LGMN: variants seen among roughly 807,000 people sequenced by gnomAD.
LGMN encodes the protein asparaginyl endopeptidase.
LGMN carries 36 observed loss-of-function variants against 56.8 expected under a neutral mutation model. That is an observed-to-expected ratio of 0.63 (90% CI 0.49 to 0.84). The LOEUF (loss-of-function observed/expected upper bound fraction) is 0.84, where lower values mean the gene tolerates loss of function less well. Among genes scored for constraint, LGMN ranks in the 40% least tolerant of loss-of-function variants. The probability of loss-of-function intolerance (pLI) is 0.00; values close to 1 mark genes in which losing one functional copy is unlikely to be tolerated. For synonymous variants in LGMN, 199 were observed against 210.1 expected, an observed-to-expected ratio of 0.95 and a Z score of 0.46; for missense variants, 446 against 556.1, an observed-to-expected ratio of 0.80 and a Z score of 1.99.
At chr14:92,710,523 A>G (rs1420753866) in intron 10 of LGMN, among the ~76,000 whole-genome samples, 1 of 152,246 alleles carries the variant, frequency 6.6e-6, no homozygotes, top group Non-Finnish European at 1.5e-5. Flanking sequence ...AGCGGTCACT[A>G]CAGACTGGCT....
Position 92,714,442 on chromosome 14 carries a change from C to T in LGMN, c.414G>A (p.Gln138=). ...CAGTGAAGTAAATGAACACGTGATC[C>T]TGGGGGCCACTGCCAAGAAGGAATC... ...GSGKVLKSGP[Q]DHVFIYFTDH... The change falls in exon 6 of 14, where the codon CAG becomes CAA. Residue 138 remains glutamine (Q), a synonymous_variant. Transcript: ENST00000334869. This position sits in a 1 kb window ranked among gnomAD's most constrained non-coding sequence, Gnocchi z 5.1. The T allele has an allele frequency of 6.2e-7, 1 of 1,606,062 alleles. No individual in the cohort carries two copies. Among genetic ancestry groups the T allele is most frequent in the Non-Finnish European group, 8.5e-7 (1 of 1,173,436 alleles).
At chr14:92,729,915 A>C (rs2140257086) in intron 2 of LGMN, among the ~76,000 whole-genome samples, 1 of 152,342 alleles carries the variant, frequency 6.6e-6, no homozygotes, top group East Asian at 1.9e-4. Context: ...AGTCTGGGCC[A>C]CTTCTTTGGC....
At chr14:92,704,471 A>G in intron 13 of LGMN, 110 bp from the exon 14 acceptor site, 1 of 1,061,696 alleles carries the variant, frequency 9.4e-7, no homozygotes, top group Non-Finnish European at 1.4e-6. Flanking sequence ...CCCGCCCAGC[A>G]GCTGTCACTG....
intron 11 of LGMN, among the ~76,000 whole-genome samples, chr14:92,709,315 A>T (rs745848821): frequency 1.3e-5 from 2 of 152,162 alleles, no homozygotes; most frequent in African/African-American, 4.8e-5. Context: ...CTGGATTTTT[A>T]AAATGAATAT....
intron 2 of LGMN, among the ~76,000 whole-genome samples, chr14:92,720,193 T>G (rs1890387547): frequency 6.6e-6 from 1 of 152,232 alleles, no homozygotes; most frequent in South Asian, 2.1e-4. Flanking sequence ...GAAAACATTT[T>G]TATTGACTTG....
chr14:92,732,483 G>A, intron 2 of LGMN, 166 bp downstream of exon 2: 1 of 716,088 alleles, frequency 1.4e-6, no homozygotes, highest in Non-Finnish European at 2.3e-6. Flanking sequence ...GGCAACATAT[G>A]AGGGTTCTGA....
intron 10 of LGMN, among the ~76,000 whole-genome samples, chr14:92,710,722 C>T (rs78938133): frequency 6.6e-6 from 1 of 152,216 alleles, no homozygotes; most frequent in African/African-American, 2.4e-5. Context: ...GTGAAGAGAA[C>T]GGAAAGCCCA....
At chr14:92,716,822 A>T (rs1403843357) in intron 4 of LGMN, among the ~76,000 whole-genome samples, 2 of 152,240 alleles carry the variant, frequency 1.3e-5, no homozygotes, top group African/African-American at 4.8e-5. Flanking sequence ...CCGATATTTA[A>T]AACAGACTAT....
At chr14:92,732,279 C>T (rs1001683443) in intron 2 of LGMN, 10 of 199,876 alleles carry the variant, frequency 5.0e-5, no homozygotes, top group Admixed American at 2.7e-4. Flanking sequence ...CATCATCTAA[C>T]GGGTAGGTGT....
intron 10 of LGMN, 148 bp downstream of exon 10, chr14:92,711,511 G>T: frequency 1.3e-6 from 1 of 754,116 alleles, no homozygotes; most frequent in Non-Finnish European, 2.3e-6. Flanking sequence ...CAGGTCCCCA[G>T]GATGGAGTGG....
At chr14:92,727,075 T>C (rs1890777733) in intron 2 of LGMN, among the ~76,000 whole-genome samples, 1 of 152,148 alleles carries the variant, frequency 6.6e-6, no homozygotes, top group Non-Finnish European at 1.5e-5. Flanking sequence ...CTGCAGCCAT[T>C]TCGTGACTAT....
At position 92,714,050 on chromosome 14, in the gene LGMN, C is replaced by T. The variant is rs1474861813; in HGVS notation, c.481-165G>A. On this transcript the variant is annotated intron_variant, in intron 6 of 13. Transcript: ENST00000334869. This position sits in a 1 kb window ranked among gnomAD's most constrained non-coding sequence, Gnocchi z 5.1. Reference sequence around the variant, plus strand: ...AGAATGTCGTCACATGTTTTATGCACGCATTTAAAAAGGGCAAGAGGATGT... The same window carrying T: ...AGAATGTCGTCACATGTTTTATGCATGCATTTAAAAAGGGCAAGAGGATGT... 2.6e-5 allele frequency among the ~76,000 whole-genome samples: 4 copies of T among 152,170 alleles called. No individual in the cohort carries two copies. The highest frequency in any genetic ancestry group is 2.9e-5 in the Non-Finnish European group (2 of 68,036).
intron 7 of LGMN, among the ~76,000 whole-genome samples, chr14:92,713,590 T>C (rs1889909440): frequency 6.6e-6 from 1 of 152,148 alleles, no homozygotes. Context: ...TCCGCAGACC[T>C]ACTGGGTCAA....
At chr14:92,705,879 T>C (rs1053482237) in intron 12 of LGMN, among the ~76,000 whole-genome samples, 4 of 152,154 alleles carry the variant, frequency 2.6e-5, no homozygotes, top group Non-Finnish European at 5.9e-5. Flanking sequence ...CCACCCACCT[T>C]GGCCTCCCAA....
intron 1 of LGMN, among the ~76,000 whole-genome samples, chr14:92,737,215 A>G (rs75220385): frequency 0.049 from 7,530 of 152,232 alleles, 588 homozygotes; most frequent in African/African-American, 0.17. Flanking sequence ...AGATGGTTGA[A>G]TTATTTTTGT....
chr14:92,709,579 G>C, intron 11 of LGMN, 93 bp downstream of exon 11: 1 of 994,480 alleles, frequency 1.0e-6, no homozygotes, highest in Non-Finnish European at 1.6e-6. Context: ...CTCCTGTGTG[G>C]CAGGGAGCAT....
intron 1 of LGMN, among the ~76,000 whole-genome samples, chr14:92,743,988 T>C (rs1007250336): frequency 6.6e-6 from 1 of 150,980 alleles, no homozygotes; most frequent in African/African-American, 2.4e-5. Context: ...ACCCCGTCTC[T>C]ACTAAAAATA....
At chr14:92,733,326 T>C (rs902585515) in intron 1 of LGMN, among the ~76,000 whole-genome samples, 11 of 152,064 alleles carry the variant, frequency 7.2e-5, no homozygotes, top group African/African-American at 2.7e-4. Flanking sequence ...TGTCCATACC[T>C]CCCAATCTTC....
At position 92,716,298 on chromosome 14, in the gene LGMN, C is replaced by G. The variant is rs559089711; in HGVS notation, c.319-77G>C. 4,431 of 1,015,226 alleles carry G rather than the reference C, an allele frequency of 4.4e-3. 13 individuals carry two copies. The highest frequency in any genetic ancestry group is 6.1e-3 in the Non-Finnish European group (3,928 of 638,990). The allele number at this position is 1,015,226 out of a possible 1,614,324, so 62.9% of individuals were successfully genotyped here. ...GAGTTGGCTGAGTCTGCAACCGACC[C>G]ATGCCACCAGCCTGCACATTCCAAG... On this transcript the variant is annotated intron_variant, in intron 4 of 13. Transcript: ENST00000334869.
Sources: allele counts gnomAD v4.1 joint callset (sites outside exome capture counted in the v4.1 genomes callset), GRCh38; gene constraint gnomAD v4.1.1; non-coding constraint Gnocchi (gnomAD v3.1); transcripts MANE v1.5; gene names NCBI Gene and HGNC (gene_info 2026-07-23, HGNC 2026-07-21).